Variants in SLC8A1 observed in about 807,000 individuals in gnomAD.
SLC8A1 encodes the protein sodium/calcium exchanger 1.
Under a neutral mutation model 68.3 loss-of-function variants are expected in SLC8A1, and 18 were observed. The ratio of observed to expected loss-of-function variants is 0.26; its 90% CI spans 0.18 to 0.39. SLC8A1 has a LOEUF of 0.39. Ranked by LOEUF, SLC8A1 falls within the 10% of genes least tolerant of loss-of-function variation. SLC8A1 has a pLI of 1.00. For synonymous variants in SLC8A1, 475 were observed against 415.5 expected, an observed-to-expected ratio of 1.14 and a Z score of -1.74; for missense variants, 985 against 1,156.7, an observed-to-expected ratio of 0.85 and a Z score of 2.15.
chr2:40,237,756 A>C (rs2060597441), intron 2 of SLC8A1, among the ~76,000 whole-genome samples: 1 of 151,858 alleles, frequency 6.6e-6, no homozygotes. Context: ...TTGGTCTTTG[A>C]TGATGGTGAT....
intron 2 of SLC8A1, among the ~76,000 whole-genome samples, chr2:40,412,326 T>C (rs933668638): frequency 1.3e-5 from 2 of 152,190 alleles, no homozygotes; most frequent in Non-Finnish European, 2.9e-5. Context: ...TTCATGAATG[T>C]GTTACTTCTC....
chr2:40,121,342 C>A (rs1035208789), intron 7 of SLC8A1, among the ~76,000 whole-genome samples: 7 of 152,034 alleles, frequency 4.6e-5, no homozygotes, highest in African/African-American at 1.7e-4. Flanking sequence ...GGCCTTCCTG[C>A]GAGTAATAGA....
intron 2 of SLC8A1, among the ~76,000 whole-genome samples, chr2:40,237,628 C>T (rs1219155900): frequency 1.3e-5 from 2 of 152,164 alleles, no homozygotes; most frequent in Non-Finnish European, 2.9e-5. Flanking sequence ...CTCCATCCAG[C>T]TTTGTTCCGT....
chr2:40,224,155 C>T (rs187224219), intron 2 of SLC8A1, among the ~76,000 whole-genome samples: 1 of 152,116 alleles, frequency 6.6e-6, no homozygotes, highest in African/African-American at 2.4e-5. Context: ...CGGTGGATTA[C>T]TGTAGCCAAT....
chr2:40,363,439 A>G (rs1473479266), intron 2 of SLC8A1, among the ~76,000 whole-genome samples: 1 of 152,152 alleles, frequency 6.6e-6, no homozygotes, highest in Non-Finnish European at 1.5e-5. Context: ...GCTACAAAAC[A>G]GACCTCCAAA....
intron 2 of SLC8A1, among the ~76,000 whole-genome samples, chr2:40,358,343 A>G (rs2149470682): frequency 6.6e-6 from 1 of 152,220 alleles, no homozygotes; most frequent in East Asian, 1.9e-4. Flanking sequence ...GTCCTTGTAG[A>G]AACATCTGCA....
chr2:40,320,305 A>G (rs2075036818), intron 2 of SLC8A1, among the ~76,000 whole-genome samples: 1 of 152,132 alleles, frequency 6.6e-6, no homozygotes, highest in Non-Finnish European at 1.5e-5. Flanking sequence ...TATAGATTAA[A>G]TATTAGCCAG....
chr2:40,200,805 T>A (rs1031705094), intron 2 of SLC8A1, among the ~76,000 whole-genome samples: 19 of 151,926 alleles, frequency 1.3e-4, no homozygotes, highest in Non-Finnish European at 1.3e-4. Context: ...ATTGACTTCA[T>A]GCTTCTTATT....
intron 2 of SLC8A1, among the ~76,000 whole-genome samples, chr2:40,192,339 C>T (rs1422061989): frequency 7.1e-6 from 1 of 141,600 alleles, no homozygotes. Flanking sequence ...TGATTTCTGA[C>T]ACCTATCCAT....
intron 2 of SLC8A1, among the ~76,000 whole-genome samples, chr2:40,375,053 G>C (rs1679364994): frequency 6.6e-6 from 1 of 151,974 alleles, no homozygotes; most frequent in East Asian, 1.9e-4. Flanking sequence ...AATTTAATCA[G>C]TCGGGAGAAC....
chr2:40,394,574 G>A (rs953498647), intron 2 of SLC8A1, among the ~76,000 whole-genome samples: 1 of 151,938 alleles, frequency 6.6e-6, no homozygotes, highest in Non-Finnish European at 1.5e-5. Flanking sequence ...AGAGCATATA[G>A]TGGATGCCTA....
chr2:40,214,960 A>G (rs2057224171), intron 2 of SLC8A1, among the ~76,000 whole-genome samples: 1 of 152,116 alleles, frequency 6.6e-6, no homozygotes, highest in African/African-American at 2.4e-5. Flanking sequence ...ATTCTCATGG[A>G]GCAGTGGACT....
chr2:40,427,115 T>C (rs115364918), intron 2 of SLC8A1, among the ~76,000 whole-genome samples: 2,133 of 152,150 alleles, frequency 0.014, 49 homozygotes, highest in African/African-American at 0.048. Flanking sequence ...CCTACAAACA[T>C]CAGAAGATGG....
At chr2:40,422,422 C>A (rs561987668) in intron 2 of SLC8A1, among the ~76,000 whole-genome samples, 1 of 152,168 alleles carries the variant, frequency 6.6e-6, no homozygotes, top group Non-Finnish European at 1.5e-5. Flanking sequence ...AGCAAAATAA[C>A]AGCAAATAAC....
At chr2:40,302,334 T>C (rs2071651219) in intron 2 of SLC8A1, among the ~76,000 whole-genome samples, 1 of 151,882 alleles carries the variant, frequency 6.6e-6, no homozygotes, top group Admixed American at 6.6e-5. Context: ...ATCTTTGGTT[T>C]TCTATTCCTG....
intron 1 of SLC8A1, among the ~76,000 whole-genome samples, chr2:40,501,544 T>C (rs1343214378): frequency 1.3e-5 from 2 of 152,158 alleles, no homozygotes; most frequent in Non-Finnish European, 2.9e-5. Context: ...GGATGCAATC[T>C]ACCTTTCTTT....
intron 1 of SLC8A1, among the ~76,000 whole-genome samples, chr2:40,445,620 C>G (rs1303434314): frequency 2.0e-5 from 3 of 152,170 alleles, no homozygotes; most frequent in African/African-American, 7.2e-5. Flanking sequence ...TCAGATGTCT[C>G]TTCCAGTGCT....
chr2:40,305,034 T>C (rs2072305361), intron 2 of SLC8A1, among the ~76,000 whole-genome samples: 1 of 152,210 alleles, frequency 6.6e-6, no homozygotes, highest in South Asian at 2.1e-4. Context: ...GTAGGTCTGG[T>C]GTGGGGCTTC....
intron 2 of SLC8A1, among the ~76,000 whole-genome samples, chr2:40,273,825 G>GA (rs781713360): frequency 2.5e-4 from 38 of 151,282 alleles, no homozygotes; most frequent in Admixed American, 8.6e-4. Context: ...ATAAAGAGGA[G>GA]AAGCAGGAAC....
Sources: gnomAD v4.1 joint callset for allele counts (sites outside exome capture counted in the v4.1 genomes callset) on GRCh38, gnomAD v4.1.1 for gene constraint, MANE v1.5 for transcripts, NCBI Gene and HGNC (gene_info 2026-07-23, HGNC 2026-07-21) for gene names.